S100A12: variants seen among roughly 807,000 people sequenced by gnomAD.
S100A12 encodes the protein S100 calcium binding protein A12, also known as protein S100-A12.
S100A12 carries 3 observed loss-of-function variants against 4.0 expected under a neutral mutation model. The ratio of observed to expected loss-of-function variants is 0.75; its 90% CI spans 0.34 to 1.94. S100A12 has a LOEUF of 1.94. S100A12 is among the 30% of genes most tolerant of loss of function. S100A12 has a pLI of 0.07. For missense variants in S100A12, 122 were observed against 107.0 expected (o/e 1.14, Z -0.62); for synonymous variants, 50 against 41.4 (o/e 1.21, Z -0.79).
Position 153,374,539 on chromosome 1 carries a change from G to A in S100A12, c.54C>T (p.Tyr18=). 1 of 1,613,752 alleles carries A rather than the reference G, an allele frequency of 6.2e-7. No homozygotes were observed. The highest frequency in any genetic ancestry group is 8.5e-7 in the Non-Finnish European group (1 of 1,179,622). The change falls in exon 2 of 3, where the codon TAC becomes TAT. Residue 18 remains tyrosine, a synonymous_variant. Transcript: ENST00000368737. ...TGTCAAAATGCCCCTTCCGAACTGA[G>A]TATTGGTGGAAGATATTGACAATTC... ...LEGIVNIFHQ[Y]SVRKGHFDTL... is the part of the protein sequence containing the mutation.
chr1:153,373,739 C>G lies in S100A12; in HGVS notation c.*88G>C. 8.9e-7 allele frequency: 1 copy of G among 1,128,170 alleles called. No homozygotes were observed. 69.9% of individuals were successfully genotyped at this position (1,128,170 alleles called of 1,614,324 possible). On this transcript the variant is annotated 3_prime_UTR_variant, in exon 3 of 3. Coordinates refer to ENST00000368737, the MANE Select transcript of S100A12 (RefSeq NM_005621.2). ...TCGTGAGTGTGTTTATTAACTCTTA[C>G]TCCCCACGGGCAAGGCTGGGTTTTG... is the stretch of plus-strand genomic sequence containing the variant.
chr1:153,374,755 T>C, intron 1 of S100A12, 143 bp from the exon 2 acceptor site: 1 of 626,856 alleles, frequency 1.6e-6, no homozygotes, highest in Non-Finnish European at 2.8e-6. Context: ...GTTTGATCCA[T>C]GGTGAACTTC....
chr1:153,373,754 G>C lies in S100A12; in HGVS notation c.*73C>G. On this transcript the variant is annotated 3_prime_UTR_variant, in exon 3 of 3. Transcript: ENST00000368737. ...TTAACTCTTACTCCCCACGGGCAAGGCTGGGTTTTGGTGAGGGAAAGAAAA... is the reference window on the plus strand; with the variant it reads ...TTAACTCTTACTCCCCACGGGCAAGCCTGGGTTTTGGTGAGGGAAAGAAAA... 1 of 1,297,716 alleles carries C rather than the reference G, an allele frequency of 7.7e-7. No individual in the cohort carries two copies. The highest frequency in any genetic ancestry group is 1.1e-6 in the Non-Finnish European group (1 of 901,020). 80.4% of individuals were successfully genotyped at this position (1,297,716 alleles called of 1,614,324 possible).
intron 1 of S100A12, 22 bp downstream of exon 1, chr1:153,375,530 C>T (rs533517429): frequency 6.6e-6 from 1 of 152,356 alleles, no homozygotes; most frequent in East Asian, 1.9e-4. Flanking sequence ...CCTAAGAACC[C>T]ATCCAAGGAA....
rs142698199 is a variant in S100A12, at chr1:153,373,863, C to T, written c.243G>A (p.Ala81=). The part of the protein sequence containing the change: ...FQEFISLVAI[A]LKAAHYHTHK... ...GGGTGTGGTAATGGGCAGCCTTCAG[C>T]GCAATGGCTACCAGGGATATGAATT... Residue 81 remains alanine (A), a synonymous_variant, in exon 3 of 3, where the codon GCG becomes GCA. Transcript: ENST00000368737. 71 of 1,613,224 alleles carry T rather than the reference C, an allele frequency of 4.4e-5. No individual in the cohort carries two copies. In the East Asian group the frequency reaches 6.5e-4, roughly 15 times the overall value.
intron 1 of S100A12, 127 bp downstream of exon 1, chr1:153,375,425 T>A (rs1365371379): frequency 6.6e-6 from 1 of 152,318 alleles, no homozygotes; most frequent in African/African-American, 2.4e-5. Context: ...CAAAATGCAA[T>A]ATCACCCCAG....
At position 153,375,532 on chromosome 1, in the gene S100A12, T is replaced by A. The variant is rs187616709; in HGVS notation, c.-21+20A>T. ...ACCCTGTGGACCACCTAAGAACCCA[T>A]CCAAGGAAAATGCACTTACCCCTCA... On this transcript the variant is annotated intron_variant, in intron 1 of 2. Coordinates refer to ENST00000368737, the MANE Select transcript of S100A12 (RefSeq NM_005621.2). 10 of 152,274 alleles carry A rather than the reference T, an allele frequency of 6.6e-5. No individual in the cohort carries two copies. In the East Asian group the frequency reaches 1.9e-3, roughly 29 times the overall value. 9.4% of individuals were successfully genotyped at this position (152,274 alleles called of 1,614,324 possible).
Position 153,374,505 on chromosome 1 carries a change from T to C in S100A12, c.88A>G (p.Lys30Glu), listed in dbSNP as rs759559939. ...VRKGHFDTLSKGELKQLLTKE... is the reference protein window; with the variant it reads ...VRKGHFDTLSEGELKQLLTKE... ...GTAAGCAGCTGCTTCAGCTCACCCT[T>C]AGAGAGGGTGTCAAAATGCCCCTTC... Residue 30 changes from lysine (K) to glutamate (E), a missense_variant, in exon 2 of 3, where the codon AAG (lysine) becomes GAG (glutamate). Physicochemically the swap from Lys to Glu is moderately conservative, Grantham distance 56. Coordinates refer to ENST00000368737, the MANE Select transcript of S100A12 (RefSeq NM_005621.2). The C allele has an allele frequency of 1.6e-5, 26 of 1,613,274 alleles. No homozygotes were observed. The highest frequency in any genetic ancestry group is 2.0e-5 in the Non-Finnish European group (24 of 1,179,190).
Position 153,374,524 on chromosome 1 carries a change from C to T in S100A12, c.69G>A (p.Gly23=). The T allele has an allele frequency of 6.2e-7, 1 of 1,613,876 alleles. No individual in the cohort carries two copies. Among genetic ancestry groups the T allele is most frequent in the Non-Finnish European group, 8.5e-7 (1 of 1,179,738 alleles). The change falls in exon 2 of 3, where the codon GGG becomes GGA. Residue 23 remains glycine, a synonymous_variant. Coordinates refer to ENST00000368737, the MANE Select transcript of S100A12 (RefSeq NM_005621.2). ...CACCCTTAGAGAGGGTGTCAAAATG[C>T]CCCTTCCGAACTGAGTATTGGTGGA... ...NIFHQYSVRK[G]HFDTLSKGEL... is the part of the protein sequence containing the mutation.
In S100A12 at chr1:153,373,757, G is replaced by A. The variant is rs1164146643; in HGVS notation, c.*70C>T. 7.5e-7 allele frequency: 1 copy of A among 1,326,106 alleles called. No individual in the cohort carries two copies. The highest frequency in any genetic ancestry group is 1.8e-5 in the Admixed American group (1 of 55,984). The allele number at this position is 1,326,106 out of a possible 1,614,324, so 82.1% of individuals were successfully genotyped here. ...ACTCTTACTCCCCACGGGCAAGGCT[G>A]GGTTTTGGTGAGGGAAAGAAAAGAC... On this transcript the variant is annotated 3_prime_UTR_variant, in exon 3 of 3. Coordinates refer to ENST00000368737, the MANE Select transcript of S100A12 (RefSeq NM_005621.2).
chr1:153,375,501 G>C (rs988683450), intron 1 of S100A12, 51 bp downstream of exon 1: 6 of 152,292 alleles, frequency 3.9e-5, no homozygotes, highest in African/African-American at 9.7e-5. Context: ...GTCACCTGCA[G>C]TCACTACCCT....
At position 153,375,209 on chromosome 1, in the gene S100A12, G is replaced by C. The variant is rs1045872934; in HGVS notation, c.-21+343C>G. The stretch of plus-strand genomic sequence containing the variant: ...CTACAGGCACCCGCCACCACGCCCG[G>C]CTAATTTTTTGTATTTTTTTAGTAG... On this transcript the variant is annotated intron_variant, in intron 1 of 2. Transcript: ENST00000368737. Among the ~76,000 whole-genome samples the C allele has an allele frequency of 3.9e-5, 6 of 152,070 alleles. No homozygotes were observed. The South Asian group carries it at 1.0e-3, about 26-fold the overall frequency.
chr1:153,374,620 G>A lies in S100A12; in HGVS notation c.-20-8C>T, dbSNP rs773232835. On this transcript the variant is annotated splice_region_variant and splice_polypyrimidine_tract_variant and intron_variant, in intron 1 of 2. Transcript: ENST00000368737. ...TCCCAGCCTAATGTTAACCTTCAAG[G>A]AAACAAGGGAAGTCTAGAGGCAGTT... The A allele has an allele frequency of 3.1e-6, 5 of 1,603,902 alleles. No homozygotes were observed. Among genetic ancestry groups the A allele is most frequent in the Non-Finnish European group, 3.4e-6 (4 of 1,173,348 alleles).
intron 1 of S100A12, among the ~76,000 whole-genome samples, chr1:153,375,099 T>C (rs1308704435): frequency 6.6e-6 from 1 of 152,160 alleles, no homozygotes; most frequent in African/African-American, 2.4e-5. Flanking sequence ...CAGGCTGGAG[T>C]GCAGTAGGGC....
chr1:153,373,975 A>G lies in S100A12; in HGVS notation c.139-8T>C. 6 of 1,613,626 alleles carry G rather than the reference A, an allele frequency of 3.7e-6. No individual in the cohort carries two copies. The highest frequency in any genetic ancestry group is 5.1e-6 in the Non-Finnish European group (6 of 1,179,510). ...AGCTTTATCTTTGATATTCTAGGAAAAAAGGACAACAGAGACCTTGAGTTC... is the reference window on the plus strand; with the variant it reads ...AGCTTTATCTTTGATATTCTAGGAAGAAAGGACAACAGAGACCTTGAGTTC... On this transcript the variant is annotated splice_region_variant and splice_polypyrimidine_tract_variant and intron_variant, in intron 2 of 2. Transcript: ENST00000368737.
In S100A12 at chr1:153,375,594, A is replaced by C. The variant is rs1661717750; in HGVS notation, c.-63T>G. The stretch of plus-strand genomic sequence containing the variant: ...TGTGGAGCTACAGCAAAAAGCCAGC[A>C]GTGGTGAAGGGCACTGAGCCAAGGA... On this transcript the variant is annotated 5_prime_UTR_variant, in exon 1 of 3. Transcript: ENST00000368737. 1 of 152,398 alleles carries C rather than the reference A, an allele frequency of 6.6e-6. No homozygotes were observed. The highest frequency in any genetic ancestry group is 1.5e-5 in the Non-Finnish European group (1 of 68,162). The allele number at this position is 152,398 out of a possible 1,614,324, so 9.4% of individuals were successfully genotyped here.
At chr1:153,374,706 A>G (rs1211300841) in intron 1 of S100A12, 94 bp from the exon 2 acceptor site, 1 of 800,752 alleles carries the variant, frequency 1.2e-6, no homozygotes, top group Non-Finnish European at 2.1e-6. Flanking sequence ...CCTAAAGAAA[A>G]CATAACATCC....
chr1:153,373,922 C>A lies in S100A12; in HGVS notation c.184G>T (p.Asp62Tyr). 6.2e-7 allele frequency: 1 copy of A among 1,613,106 alleles called. No individual in the cohort carries two copies. Among genetic ancestry groups the A allele is most frequent in the Non-Finnish European group, 8.5e-7 (1 of 1,179,072 alleles). ...AVIDEIFQGL[D>Y]ANQDEQVDFQ... ...TCGACCTGTTCATCTTGATTAGCAT[C>A]CAGGCCTTGGAATATTTCATCAATG... Residue 62 changes from aspartate (D) to tyrosine (Y), a missense_variant, in exon 3 of 3, where the codon GAT (aspartate) becomes TAT (tyrosine). Asp to Tyr is a radical substitution (Grantham distance 160). Transcript: ENST00000368737.
At position 153,373,716 on chromosome 1, in the gene S100A12, G is replaced by T. The variant is rs559327881; in HGVS notation, c.*111C>A. 6 of 909,862 alleles carry T rather than the reference G, an allele frequency of 6.6e-6. No homozygotes were observed. The South Asian group carries it at 7.8e-5, about 12-fold the overall frequency. 56.4% of individuals were successfully genotyped at this position (909,862 alleles called of 1,614,324 possible). On this transcript the variant is annotated 3_prime_UTR_variant, in exon 3 of 3. Transcript: ENST00000368737. ...TCACAGACACTATTCAGAACTTTTC[G>T]TGAGTGTGTTTATTAACTCTTACTC...
Sources: gnomAD v4.1 joint callset for allele counts (sites outside exome capture counted in the v4.1 genomes callset) on GRCh38, gnomAD v4.1.1 for gene constraint, MANE v1.5 for transcripts, NCBI Gene and HGNC (gene_info 2026-07-23, HGNC 2026-07-21) for gene names.